Variants in PTTG1IP2 observed in about 807,000 individuals in gnomAD.
PTTG1IP2 encodes PTTG1IP family member 2.
At chr7:90,488,151 G>A (rs1301363856) in intron 3 of PTTG1IP2, among the ~76,000 whole-genome samples, 2 of 152,008 alleles carry the variant, frequency 1.3e-5, no homozygotes, top group Non-Finnish European at 2.9e-5. Flanking sequence ...TCCTAGCTAT[G>A]TGAAAAAACC....
intron 2 of PTTG1IP2, among the ~76,000 whole-genome samples, chr7:90,480,982 T>G (rs1562984557): frequency 6.6e-6 from 1 of 152,210 alleles, no homozygotes; most frequent in Non-Finnish European, 1.5e-5. Flanking sequence ...TCTTTTGTTC[T>G]TATAAACTGA....
rs886225736 is a variant in PTTG1IP2 at position 90,494,435 on chromosome 7, G to T, written c.*50+5G>T. 4 of 152,168 alleles carry T rather than the reference G, an allele frequency of 2.6e-5. No individual in the cohort carries two copies. The highest frequency in any genetic ancestry group is 2.6e-4 in the Admixed American group (4 of 15,276). The allele number at this position is 152,168 out of a possible 1,614,324, so 9.4% of individuals were successfully genotyped here. A position where few individuals can be genotyped will look rare whatever the true frequency, so the allele number is the denominator to read the frequency against. ...CAGAAGGAAGTTTCTTCAATGGTAA[G>T]GTTTCAAATTATATTGCGTGAATTT... On this transcript the variant is annotated splice_donor_5th_base_variant and intron_variant, in intron 6 of 6. Coordinates refer to ENST00000509356, the MANE Select transcript of PTTG1IP2 (RefSeq NM_001365443.2).
intron 6 of PTTG1IP2, among the ~76,000 whole-genome samples, chr7:90,510,342 A>G (rs577537612): frequency 2.6e-5 from 4 of 152,384 alleles, no homozygotes; most frequent in South Asian, 2.1e-4. Context: ...ATTTTGTGGT[A>G]GCACAGCTCT....
At chr7:90,502,031 C>G (rs1295919936) in intron 6 of PTTG1IP2, among the ~76,000 whole-genome samples, 2 of 152,168 alleles carry the variant, frequency 1.3e-5, no homozygotes, top group African/African-American at 4.8e-5. Flanking sequence ...GCATCTTCAC[C>G]AGGAGTAGTT....
At chr7:90,497,896 G>C (rs1254673163) in intron 6 of PTTG1IP2, among the ~76,000 whole-genome samples, 1 of 151,970 alleles carries the variant, frequency 6.6e-6, no homozygotes, top group African/African-American at 2.4e-5. Flanking sequence ...GTCCATTGTT[G>C]AGAGTGGGTT....
intron 6 of PTTG1IP2, among the ~76,000 whole-genome samples, chr7:90,498,119 C>T (rs982256537): frequency 7.9e-5 from 12 of 152,134 alleles, no homozygotes; most frequent in Admixed American, 5.2e-4. Context: ...TTTGCCTCCC[C>T]GGCTCACGCC....
intron 2 of PTTG1IP2, among the ~76,000 whole-genome samples, chr7:90,481,111 G>A (rs943595907): frequency 6.6e-6 from 1 of 152,098 alleles, no homozygotes; most frequent in Non-Finnish European, 1.5e-5. Flanking sequence ...GATGATATTA[G>A]CAATGATCCT....
chr7:90,482,513 C>CA (rs1797824459), intron 2 of PTTG1IP2, among the ~76,000 whole-genome samples: 2 of 150,994 alleles, frequency 1.3e-5, no homozygotes, highest in Non-Finnish European at 3.0e-5. Flanking sequence ...CAACCCCCCC[C>CA]CCACACAACT....
intron 2 of PTTG1IP2, among the ~76,000 whole-genome samples, chr7:90,481,835 T>C (rs1377426184): frequency 6.6e-6 from 1 of 152,020 alleles, no homozygotes; most frequent in African/African-American, 2.4e-5. Flanking sequence ...ACCTCACACA[T>C]TTCCCACACA....
In PTTG1IP2 at chr7:90,505,184, G is replaced by A. The variant is rs555612632; in HGVS notation, c.*51-8094G>A. Reference sequence around the variant, plus strand: ...ATAGTTTTCCAGTTTTGAAATCTATGTGATAACTTTTAACCATATTTGAAA... The same window carrying A: ...ATAGTTTTCCAGTTTTGAAATCTATATGATAACTTTTAACCATATTTGAAA... On this transcript the variant is annotated intron_variant, in intron 6 of 6. Coordinates refer to ENST00000509356, the MANE Select transcript of PTTG1IP2 (RefSeq NM_001365443.2). Among the ~76,000 whole-genome samples, 14 of 152,276 alleles carry A rather than the reference G, an allele frequency of 9.2e-5. 1 individual carries two copies. Among genetic ancestry groups the A allele is most frequent in the African/African-American group, 3.1e-4 (13 of 41,554 alleles).
chr7:90,513,253 A>C (rs1798209269), intron 6 of PTTG1IP2, 25 bp from the exon 7 acceptor site: 1 of 152,630 alleles, frequency 6.6e-6, no homozygotes, highest in South Asian at 2.1e-4. Context: ...TATTTCCAAT[A>C]ATGAATGTGT....
intron 3 of PTTG1IP2, among the ~76,000 whole-genome samples, chr7:90,487,916 G>A (rs1445831628): frequency 6.6e-6 from 1 of 151,908 alleles, no homozygotes; most frequent in Non-Finnish European, 1.5e-5. Flanking sequence ...TAGAAACATT[G>A]CTATAACTTA....
chr7:90,511,242 A>G (rs577783814), intron 6 of PTTG1IP2, among the ~76,000 whole-genome samples: 2 of 152,294 alleles, frequency 1.3e-5, no homozygotes, highest in Admixed American at 1.3e-4. Context: ...CCATCAAAAA[A>G]CTTAAAATCT....
chr7:90,497,563 CAAAA>C (rs758753541), intron 6 of PTTG1IP2, among the ~76,000 whole-genome samples: 1 of 44,400 alleles, frequency 2.3e-5, no homozygotes, highest in Admixed American at 2.3e-4. Flanking sequence ...GAATCCGTCT[CAAAA>C]AAAAAAAAAA....
Position 90,478,447 on chromosome 7 carries a change from G to A in PTTG1IP2, c.146-781G>A, listed in dbSNP as rs1456615462. ...GGCTAGGAGGAAGTAACATTCAATA[G>A]GACTTAATTTGAAAACTGAACTGTA... On this transcript the variant is annotated intron_variant, in intron 1 of 6. Coordinates refer to ENST00000509356, the MANE Select transcript of PTTG1IP2 (RefSeq NM_001365443.2). Among the ~76,000 whole-genome samples, 5 of 152,244 alleles carry A rather than the reference G, an allele frequency of 3.3e-5. No homozygotes were observed. In the East Asian group the frequency reaches 7.7e-4, roughly 23 times the overall value.
chr7:90,486,505 GT>G (rs1797876585), intron 2 of PTTG1IP2, among the ~76,000 whole-genome samples: 1 of 132,196 alleles, frequency 7.6e-6, no homozygotes, highest in African/African-American at 2.8e-5. Flanking sequence ...AGTTCTTCTG[GT>G]TTTACCTCCC....
intron 6 of PTTG1IP2, among the ~76,000 whole-genome samples, chr7:90,503,177 C>CAT (rs1798080527): frequency 6.6e-6 from 1 of 152,208 alleles, no homozygotes; most frequent in Admixed American, 6.5e-5. Context: ...GAACCAGTCT[C>CAT]TGCTAGATTC....
intron 6 of PTTG1IP2, among the ~76,000 whole-genome samples, chr7:90,510,410 TG>T (rs1205483800): frequency 1.3e-5 from 2 of 152,090 alleles, no homozygotes; most frequent in Non-Finnish European, 2.9e-5. Context: ...AGTGAATGAA[TG>T]AAAAAAAATG....
At chr7:90,477,237 G>C (rs963396921) in intron 1 of PTTG1IP2, among the ~76,000 whole-genome samples, 3 of 152,172 alleles carry the variant, frequency 2.0e-5, no homozygotes, top group African/African-American at 7.2e-5. Context: ...CTGGTACCTG[G>C]TAATGCCATG....
Sources: allele counts gnomAD v4.1 joint callset (sites outside exome capture counted in the v4.1 genomes callset), GRCh38; gene constraint gnomAD v4.1.1; transcripts MANE v1.5; gene names NCBI Gene and HGNC (gene_info 2026-07-23, HGNC 2026-07-21).